Variants in SLC16A10 observed in about 807,000 individuals in gnomAD.
SLC16A10 encodes solute carrier family 16 member 10.
SLC16A10 carries 27 observed loss-of-function variants against 40.0 expected under a neutral mutation model. The ratio of observed to expected loss-of-function variants is 0.67; its 90% CI spans 0.50 to 0.93. SLC16A10 has a LOEUF of 0.93. SLC16A10 is among the 40% of genes least tolerant of loss of function. SLC16A10 has a pLI of 0.00. For missense variants in SLC16A10, 529 were observed against 658.2 expected (o/e 0.80, Z 2.15); for synonymous variants, 213 against 249.8 (o/e 0.85, Z 1.39).
At chr6:111,094,921 G>C (rs557755212) in intron 1 of SLC16A10, among the ~76,000 whole-genome samples, 1 of 152,176 alleles carries the variant, frequency 6.6e-6, no homozygotes, top group Non-Finnish European at 1.5e-5. Flanking sequence ...GACTACAGGC[G>C]GGACCTACTG....
chr6:111,169,552 G>A (rs1388077478), intron 1 of SLC16A10, among the ~76,000 whole-genome samples: 3 of 152,228 alleles, frequency 2.0e-5, no homozygotes, highest in Admixed American at 6.5e-5. Context: ...GTGTAAAGTC[G>A]TGGAAGAGAA....
intron 1 of SLC16A10, among the ~76,000 whole-genome samples, chr6:111,104,252 C>T (rs1489432950): frequency 6.6e-6 from 1 of 152,148 alleles, no homozygotes; most frequent in African/African-American, 2.4e-5. Flanking sequence ...AAAAAGATCT[C>T]TGGGTTGCAG....
intron 1 of SLC16A10, among the ~76,000 whole-genome samples, chr6:111,153,002 T>G (rs146211792): frequency 6.6e-6 from 1 of 152,248 alleles, no homozygotes; most frequent in Non-Finnish European, 1.5e-5. Flanking sequence ...GGTAAAGAAC[T>G]TTGAGTCAGT....
At chr6:111,135,230 A>G (rs908276491) in intron 1 of SLC16A10, among the ~76,000 whole-genome samples, 2 of 152,176 alleles carry the variant, frequency 1.3e-5, no homozygotes, top group Non-Finnish European at 2.9e-5. Flanking sequence ...GAAGGACAAT[A>G]CGGATGAGCA....
chr6:111,127,078 A>G (rs1771688190), intron 1 of SLC16A10, among the ~76,000 whole-genome samples: 1 of 152,222 alleles, frequency 6.6e-6, no homozygotes, highest in African/African-American at 2.4e-5. Context: ...TAACTCAACA[A>G]AAATTGAGAG....
chr6:111,088,454 C>T (rs748280010), intron 1 of SLC16A10, among the ~76,000 whole-genome samples: 78 of 152,186 alleles, frequency 5.1e-4, no homozygotes, highest in Non-Finnish European at 8.5e-4. Flanking sequence ...CCCCAGTCAT[C>T]GCCCTGTCAT....
intron 1 of SLC16A10, among the ~76,000 whole-genome samples, chr6:111,133,691 GTC>G (rs1771826036): frequency 6.6e-6 from 1 of 152,120 alleles, no homozygotes; most frequent in Admixed American, 6.5e-5. Context: ...AGCCCTCAGA[GTC>G]TACCTCCCTA....
chr6:111,155,268 C>G (rs948932385), intron 1 of SLC16A10, among the ~76,000 whole-genome samples: 5 of 150,772 alleles, frequency 3.3e-5, no homozygotes, highest in African/African-American at 1.2e-4. Flanking sequence ...GTGGCATGAT[C>G]ATGGCTCACT....
At chr6:111,215,105 C>A (rs1052757546) in intron 4 of SLC16A10, among the ~76,000 whole-genome samples, 16 of 151,194 alleles carry the variant, frequency 1.1e-4, no homozygotes, top group Non-Finnish European at 1.9e-4. Flanking sequence ...GGTGACAGAG[C>A]AAGACTCCAT....
intron 1 of SLC16A10, among the ~76,000 whole-genome samples, chr6:111,126,170 A>G (rs1270411621): frequency 6.6e-6 from 1 of 152,244 alleles, no homozygotes; most frequent in Non-Finnish European, 1.5e-5. Context: ...TTAAAGTCCT[A>G]GAATAATAAA....
chr6:111,131,335 A>G (rs1047979907), intron 1 of SLC16A10, among the ~76,000 whole-genome samples: 3 of 152,196 alleles, frequency 2.0e-5, no homozygotes, highest in African/African-American at 7.2e-5. Flanking sequence ...TAGAGCTGTA[A>G]CACTCACTGT....
intron 1 of SLC16A10, among the ~76,000 whole-genome samples, chr6:111,140,109 CAT>C (rs1383431001): frequency 6.6e-6 from 1 of 152,142 alleles, no homozygotes; most frequent in Non-Finnish European, 1.5e-5. Context: ...CCCTGTGACA[CAT>C]GTTTATCTAT....
chr6:111,105,352 T>C (rs1328561612), intron 1 of SLC16A10, among the ~76,000 whole-genome samples: 1 of 152,232 alleles, frequency 6.6e-6, no homozygotes, highest in South Asian at 2.1e-4. Context: ...TAAGTAAGTA[T>C]AGATTCTACT....
chr6:111,166,182 C>G (rs1772470122), intron 1 of SLC16A10, among the ~76,000 whole-genome samples: 1 of 151,920 alleles, frequency 6.6e-6, no homozygotes, highest in Non-Finnish European at 1.5e-5. Context: ...GAAGAATAAA[C>G]AGTGATTTTT....
intron 1 of SLC16A10, among the ~76,000 whole-genome samples, chr6:111,128,360 G>A (rs1374344848): frequency 6.6e-6 from 1 of 152,094 alleles, no homozygotes; most frequent in Admixed American, 6.5e-5. Context: ...GGTCAGTGAT[G>A]CCAGGGTTCA....
At position 111,222,027 on chromosome 6, in the gene SLC16A10, C is replaced by T; in HGVS notation, c.1340C>T (p.Ser447Phe). The change falls in exon 6 of 6, where the codon TCC (serine) becomes TTC (phenylalanine). Residue 447 changes from serine (S) to phenylalanine (F), a missense_variant. Ser to Phe is a radical substitution (Grantham distance 155). Coordinates refer to ENST00000368851, the MANE Select transcript of SLC16A10 (RefSeq NM_018593.5). Reference sequence around the variant, plus strand: ...GGGTTACTTCGTGACAAACTGGGCTCCTATGATGTGGCATTCTACCTCGCT... The same window carrying T: ...GGGTTACTTCGTGACAAACTGGGCTTCTATGATGTGGCATTCTACCTCGCT... ...IAGLLRDKLG[S>F]YDVAFYLAGV... 3 of 1,608,540 alleles carry T rather than the reference C, an allele frequency of 1.9e-6. No individual in the cohort carries two copies. Among genetic ancestry groups the T allele is most frequent in the African/African-American group, 1.3e-5 (1 of 74,516 alleles).
At chr6:111,179,121 C>A (rs918500194) in intron 3 of SLC16A10, among the ~76,000 whole-genome samples, 1 of 55,528 alleles carries the variant, frequency 1.8e-5, no homozygotes, top group Non-Finnish European at 4.5e-5. Flanking sequence ...GCCACCACAC[C>A]CAGCTTTAAA....
chr6:111,089,908 GTTTTTTT>G (rs541758500), intron 1 of SLC16A10, among the ~76,000 whole-genome samples: 7 of 52,294 alleles, frequency 1.3e-4, no homozygotes, highest in African/African-American at 3.4e-4. Context: ...CTGTGGGTGG[GTTTTTTT>G]TTTTTTTTTT....
intron 1 of SLC16A10, among the ~76,000 whole-genome samples, chr6:111,105,956 C>T (rs1771277743): frequency 6.6e-6 from 1 of 152,164 alleles, no homozygotes; most frequent in African/African-American, 2.4e-5. Context: ...TTTACCCTTC[C>T]AGTAATTGTT....
Sources: gnomAD v4.1 joint callset for allele counts (sites outside exome capture counted in the v4.1 genomes callset) on GRCh38, gnomAD v4.1.1 for gene constraint, MANE v1.5 for transcripts, NCBI Gene and HGNC (gene_info 2026-07-23, HGNC 2026-07-21) for gene names.